ERC1: variants seen among roughly 807,000 people sequenced by gnomAD.
ERC1 encodes the protein ELKS/RAB6-interacting/CAST family member 1.
A neutral mutation model predicts 132.0 loss-of-function variants in ERC1; 56 were observed. The observed-to-expected ratio is 0.42, with a 90% confidence interval of 0.34 to 0.53. The LOEUF (loss-of-function observed/expected upper bound fraction) is 0.53. ERC1 is among the 20% of genes least tolerant of loss of function. ERC1 has a pLI of 0.03. For synonymous variants in ERC1, 478 were observed against 476.1 expected (o/e 1.00, Z -0.05); for missense variants, 1,202 against 1,349.9 (o/e 0.89, Z 1.72).
At chr12:1,109,206 A>G (rs537383076) in intron 4 of ERC1, among the ~76,000 whole-genome samples, 3 of 152,230 alleles carry the variant, frequency 2.0e-5, no homozygotes, top group Non-Finnish European at 4.4e-5. Flanking sequence ...CAAAATCAAG[A>G]GATCGAATAT....
intron 18 of ERC1, among the ~76,000 whole-genome samples, chr12:1,486,038 G>T (rs970826729): frequency 8.5e-5 from 13 of 152,086 alleles, no homozygotes; most frequent in African/African-American, 3.1e-4. Context: ...ATGCTTCCTG[G>T]TCATATCCTA....
intron 18 of ERC1, among the ~76,000 whole-genome samples, chr12:1,447,972 G>T (rs534739364): frequency 2.6e-5 from 4 of 152,176 alleles, no homozygotes; most frequent in African/African-American, 9.6e-5. Flanking sequence ...AAATGGAAAA[G>T]ATATTTTTGC....
chr12:1,272,936 A>G (rs1185766576), intron 14 of ERC1, among the ~76,000 whole-genome samples: 1 of 132,940 alleles, frequency 7.5e-6, no homozygotes, highest in Non-Finnish European at 1.6e-5. Context: ...TGATAGAGTG[A>G]GACTCCGTCT....
At chr12:1,226,924 G>A (rs1294979662) in intron 12 of ERC1, among the ~76,000 whole-genome samples, 1 of 152,206 alleles carries the variant, frequency 6.6e-6, no homozygotes, top group Admixed American at 6.5e-5. Flanking sequence ...TGATCCACCT[G>A]CCTCGGCCTC....
chr12:1,359,320 G>A (rs2085852095), intron 15 of ERC1, among the ~76,000 whole-genome samples: 1 of 152,180 alleles, frequency 6.6e-6, no homozygotes, highest in African/African-American at 2.4e-5. Flanking sequence ...AACAGAAATA[G>A]AGACAACTCA....
chr12:1,018,052 G>A (rs974250758), intron 1 of ERC1, among the ~76,000 whole-genome samples: 17 of 152,140 alleles, frequency 1.1e-4, no homozygotes, highest in African/African-American at 4.1e-4. Context: ...TTAAGATTTA[G>A]CTACAGAAGT....
chr12:1,127,837 T>A (rs974610749), intron 7 of ERC1, among the ~76,000 whole-genome samples: 1 of 152,160 alleles, frequency 6.6e-6, no homozygotes, highest in African/African-American at 2.4e-5. Context: ...GAACTTCACA[T>A]GAATCAACGA....
chr12:1,290,701 C>T (rs369162749), intron 15 of ERC1, among the ~76,000 whole-genome samples: 2 of 152,164 alleles, frequency 1.3e-5, no homozygotes, highest in East Asian at 3.8e-4. Context: ...TAATCCTTCC[C>T]CTTACCTAAA....
intron 4 of ERC1, among the ~76,000 whole-genome samples, chr12:1,108,098 TG>T (rs1357725152): frequency 6.6e-6 from 1 of 152,190 alleles, no homozygotes; most frequent in Non-Finnish European, 1.5e-5. Flanking sequence ...TAGAACTAGT[TG>T]AGAGTATCAG....
At chr12:1,149,803 T>C (rs1318128620) in intron 8 of ERC1, among the ~76,000 whole-genome samples, 1 of 152,192 alleles carries the variant, frequency 6.6e-6, no homozygotes, top group Non-Finnish European at 1.5e-5. Flanking sequence ...GGAGATAAAG[T>C]GTATTACTTG....
At chr12:1,239,564 A>G (rs2075662140) in intron 13 of ERC1, among the ~76,000 whole-genome samples, 1 of 152,202 alleles carries the variant, frequency 6.6e-6, no homozygotes. Flanking sequence ...AAAAAATTTA[A>G]GAAATTAGCC....
At chr12:1,075,370 T>C (rs971440829) in intron 2 of ERC1, among the ~76,000 whole-genome samples, 1 of 152,190 alleles carries the variant, frequency 6.6e-6, no homozygotes, top group African/African-American at 2.4e-5. Flanking sequence ...ACTGCATTCT[T>C]TAAAGCAAGC....
At chr12:1,386,030 CCTTT>C (rs1449329222) in intron 16 of ERC1, 2 of 134,840 alleles carry the variant, frequency 1.5e-5, no homozygotes, top group African/African-American at 3.1e-5. Context: ...GCAATGCAGC[CCTTT>C]TTTTTTTTTT....
intron 18 of ERC1, among the ~76,000 whole-genome samples, chr12:1,459,550 A>G (rs2093606395): frequency 6.6e-6 from 1 of 152,250 alleles, no homozygotes; most frequent in African/African-American, 2.4e-5. Flanking sequence ...AGCATAATGT[A>G]GACGGAATTA....
intron 3 of ERC1, among the ~76,000 whole-genome samples, chr12:1,102,410 G>A (rs10848438): frequency 0.47 from 71,085 of 152,074 alleles, 19,798 homozygotes; most frequent in East Asian, 0.78. Context: ...TCACAGTATG[G>A]TATGTTAGAG....
chr12:1,354,505 A>G (rs2154368013), intron 15 of ERC1, among the ~76,000 whole-genome samples: 1 of 149,404 alleles, frequency 6.7e-6, no homozygotes, highest in Non-Finnish European at 1.5e-5. Context: ...CCTGGGCGAC[A>G]AGAGTGAAAC....
intron 12 of ERC1, among the ~76,000 whole-genome samples, chr12:1,229,296 G>A (rs963202295): frequency 2.0e-5 from 3 of 152,140 alleles, no homozygotes; most frequent in African/African-American, 7.2e-5. Flanking sequence ...GAGACCAGGA[G>A]TTGGAGACCA....
At chr12:1,065,450 A>G (rs1438306207) in intron 2 of ERC1, among the ~76,000 whole-genome samples, 2 of 133,882 alleles carry the variant, frequency 1.5e-5, no homozygotes, top group Non-Finnish European at 3.2e-5. Flanking sequence ...TTTTTCACTG[A>G]TGAATTGTTT....
intron 15 of ERC1, among the ~76,000 whole-genome samples, chr12:1,316,632 G>T (rs1228810385): frequency 1.3e-5 from 2 of 152,212 alleles, no homozygotes; most frequent in African/African-American, 2.4e-5. Context: ...TATACTGTTG[G>T]TGGGAGTGTA....
Sources: allele counts gnomAD v4.1 joint callset (sites outside exome capture counted in the v4.1 genomes callset), GRCh38; gene constraint gnomAD v4.1.1; transcripts MANE v1.5; gene names NCBI Gene and HGNC (gene_info 2026-07-23, HGNC 2026-07-21).